Variants in CCDC178 observed in about 807,000 individuals in gnomAD.
The protein encoded by CCDC178 is coiled-coil domain-containing protein 178.
In CCDC178, 126 loss-of-function variants were observed where a neutral mutation model predicts 117.4. The observed-to-expected ratio is 1.07, with a 90% CI of 0.93 to 1.24. CCDC178 has a LOEUF of 1.24. Ranked by LOEUF, CCDC178 falls within the 50% of genes most tolerant of loss-of-function variation. The pLI, the probability that CCDC178 is intolerant of heterozygous loss-of-function variation, is 0.00. For missense variants in CCDC178, 1,030 were observed against 986.9 expected, an observed-to-expected ratio of 1.04 and a Z score of -0.59; for synonymous variants, 283 against 313.4, an observed-to-expected ratio of 0.90 and a Z score of 1.02.
intron 20 of CCDC178, among the ~76,000 whole-genome samples, chr18:33,144,318 A>C (rs2058245335): frequency 6.6e-6 from 1 of 151,996 alleles, no homozygotes; most frequent in Non-Finnish European, 1.5e-5. Context: ...GCTTTCCTTA[A>C]ATTTGTCCTA....
intron 21 of CCDC178, among the ~76,000 whole-genome samples, chr18:33,005,048 T>C (rs555433997): frequency 5.3e-5 from 8 of 151,956 alleles, no homozygotes; most frequent in South Asian, 2.1e-4. Context: ...CTATGGAAAA[T>C]AGTTTGGAGG....
intron 22 of CCDC178, among the ~76,000 whole-genome samples, chr18:32,960,573 T>C (rs1598734364): frequency 1.3e-5 from 2 of 152,266 alleles, no homozygotes; most frequent in East Asian, 1.9e-4. Flanking sequence ...TTCTATACGC[T>C]AAATGCTAAA....
At chr18:33,310,192 C>A (rs925930269) in intron 11 of CCDC178, among the ~76,000 whole-genome samples, 3 of 151,984 alleles carry the variant, frequency 2.0e-5, no homozygotes, top group African/African-American at 7.3e-5. Context: ...ATCTCCTGAC[C>A]TCATGATCCA....
rs2059153671 is a variant in CCDC178, at chr18:33,215,493, T to C, written c.2078+57A>G. On this transcript the variant is annotated intron_variant, in intron 19 of 22. Coordinates refer to ENST00000383096, the MANE Select transcript of CCDC178 (RefSeq NM_001105528.4). ...ATGCATTTTAAATATGGAAATTTGATCTTATTTATTAATATTTTTTAAAAA... is the reference window on the plus strand; with the variant it reads ...ATGCATTTTAAATATGGAAATTTGACCTTATTTATTAATATTTTTTAAAAA... The C allele has an allele frequency of 5.3e-6, 5 of 937,342 alleles. No homozygotes were observed. The South Asian group carries it at 1.2e-4, about 23-fold the overall frequency. 58.1% of individuals were successfully genotyped at this position (937,342 alleles called of 1,614,324 possible). A position where few individuals can be genotyped will look rare whatever the true frequency, so the allele number is the denominator to read the frequency against.
At chr18:33,285,196 C>T (rs1051440638) in intron 12 of CCDC178, among the ~76,000 whole-genome samples, 4 of 151,764 alleles carry the variant, frequency 2.6e-5, no homozygotes, top group East Asian at 1.9e-4. Context: ...GCAAGCATTC[C>T]GCGTCATGCT....
In CCDC178 at chr18:33,245,267, G is replaced by A. The variant is rs1196236518; in HGVS notation, c.1571C>T (p.Ala524Val). The A allele has an allele frequency of 7.6e-6, 12 of 1,589,330 alleles. No individual in the cohort carries two copies. Among genetic ancestry groups the A allele is most frequent in the South Asian group, 1.2e-5 (1 of 84,622 alleles). The change falls in exon 15 of 23, where the codon GCA becomes GTA. Residue 524 changes from alanine to valine, a missense_variant. Physicochemically the swap from Ala to Val is moderately conservative, Grantham distance 64 (BLOSUM62 0). Transcript: ENST00000383096. ...HKTDEMEDKI[A>V]EVRRKFKGRE... ...AACCTTGAACTTTCTTCTCACTTCTGCTATTTTATCTTCCATTTCATCTGT... is the reference window on the plus strand; with the variant it reads ...AACCTTGAACTTTCTTCTCACTTCTACTATTTTATCTTCCATTTCATCTGT...
At chr18:33,174,261 TCTC>T (rs753015722) in intron 20 of CCDC178, among the ~76,000 whole-genome samples, 10 of 152,116 alleles carry the variant, frequency 6.6e-5, no homozygotes, top group Non-Finnish European at 1.5e-4. Context: ...TAAGGGCTCT[TCTC>T]CTATAGCCCA....
At chr18:33,213,510 T>G (rs2144594884) in intron 19 of CCDC178, among the ~76,000 whole-genome samples, 1 of 152,064 alleles carries the variant, frequency 6.6e-6, no homozygotes, top group Admixed American at 6.6e-5. Flanking sequence ...AAGGAGCTAG[T>G]GTGACCAAAA....
chr18:32,989,529 C>A (rs969043305), intron 21 of CCDC178, among the ~76,000 whole-genome samples: 1 of 152,166 alleles, frequency 6.6e-6, no homozygotes, highest in Non-Finnish European at 1.5e-5. Context: ...CCACCTGTGG[C>A]AGCTACTCAA....
At chr18:33,027,519 G>A (rs960867901) in intron 21 of CCDC178, among the ~76,000 whole-genome samples, 1 of 151,462 alleles carries the variant, frequency 6.6e-6, no homozygotes, top group African/African-American at 2.4e-5. Context: ...TAAGAAAATA[G>A]AAAGTGAGAT....
intron 9 of CCDC178, among the ~76,000 whole-genome samples, chr18:33,334,691 TTTATGATAGC>T (rs1489813322): frequency 6.6e-6 from 1 of 152,102 alleles, no homozygotes; most frequent in African/African-American, 2.4e-5. Context: ...TGATTTATAA[TTTATGATAGC>T]TTCTTATATA....
chr18:33,305,540 G>A (rs1313414763), intron 11 of CCDC178, among the ~76,000 whole-genome samples: 2 of 151,806 alleles, frequency 1.3e-5, no homozygotes, highest in African/African-American at 4.9e-5. Flanking sequence ...AGGTGAGAGA[G>A]GAACCTAAGG....
At chr18:33,357,018 T>C (rs2063066950) in intron 6 of CCDC178, among the ~76,000 whole-genome samples, 1 of 151,528 alleles carries the variant, frequency 6.6e-6, no homozygotes, top group South Asian at 2.1e-4. Flanking sequence ...TTTTTTTTAA[T>C]GGTGAATTCA....
intron 21 of CCDC178, among the ~76,000 whole-genome samples, chr18:33,020,454 T>G (rs1240346195): frequency 6.6e-6 from 1 of 152,222 alleles, no homozygotes; most frequent in African/African-American, 2.4e-5. Flanking sequence ...TTTAATTTAC[T>G]AGGGTAGCAC....
intron 9 of CCDC178, among the ~76,000 whole-genome samples, chr18:33,345,867 T>A (rs2062885295): frequency 6.6e-6 from 1 of 152,130 alleles, no homozygotes; most frequent in Non-Finnish European, 1.5e-5. Context: ...TTATTTATTT[T>A]TTGAGACAGG....
intron 21 of CCDC178, among the ~76,000 whole-genome samples, chr18:33,046,832 A>G (rs977367252): frequency 3.3e-5 from 5 of 152,208 alleles, no homozygotes; most frequent in African/African-American, 1.2e-4. Context: ...GGACCTGACT[A>G]TTGAAAGAAA....
At chr18:33,090,011 A>G (rs1236581012) in intron 21 of CCDC178, among the ~76,000 whole-genome samples, 2 of 152,138 alleles carry the variant, frequency 1.3e-5, no homozygotes, top group African/African-American at 4.8e-5. Context: ...CCTCTTTCTG[A>G]TTTTTAAAGG....
intron 11 of CCDC178, among the ~76,000 whole-genome samples, chr18:33,308,894 G>C (rs775392084): frequency 6.6e-6 from 1 of 152,136 alleles, no homozygotes; most frequent in African/African-American, 2.4e-5. Flanking sequence ...CACAAGCCTT[G>C]CAGAACTGTG....
chr18:33,017,013 T>C (rs553461670), intron 21 of CCDC178, among the ~76,000 whole-genome samples: 23 of 152,018 alleles, frequency 1.5e-4, no homozygotes, highest in African/African-American at 5.5e-4. Flanking sequence ...TTATATTCAA[T>C]AGTAAATATA....
Sources: gnomAD v4.1 joint callset for allele counts (sites outside exome capture counted in the v4.1 genomes callset) on GRCh38, gnomAD v4.1.1 for gene constraint, MANE v1.5 for transcripts, NCBI Gene and HGNC (gene_info 2026-07-23, HGNC 2026-07-21) for gene names.